AGBL4: variants seen among roughly 807,000 people sequenced by gnomAD.
AGBL4 encodes AGBL carboxypeptidase 4.
Under a neutral mutation model 66.4 loss-of-function variants are expected in AGBL4, and 58 were observed. That is an observed-to-expected ratio of 0.87 (90% CI 0.71 to 1.09). The LOEUF is 1.09. AGBL4 is among the 50% of genes least tolerant of loss of function. The probability of loss-of-function intolerance (pLI) is 0.00; values close to 1 mark genes in which losing one functional copy is unlikely to be tolerated. For missense variants in AGBL4, 579 were observed against 631.0 expected (o/e 0.92, Z 0.88); for synonymous variants, 234 against 222.9 (o/e 1.05, Z -0.44).
intron 3 of AGBL4, among the ~76,000 whole-genome samples, chr1:49,423,561 G>A (rs1317791928): frequency 6.6e-6 from 1 of 152,096 alleles, no homozygotes; most frequent in African/African-American, 2.4e-5. Flanking sequence ...TGTAATCCCA[G>A]CACTTTGGGA....
At chr1:49,274,537 T>G (rs548137789) in intron 3 of AGBL4, among the ~76,000 whole-genome samples, 1 of 152,284 alleles carries the variant, frequency 6.6e-6, no homozygotes, top group South Asian at 2.1e-4. Context: ...TGTCAATTGT[T>G]ATGATTATTC....
At chr1:49,699,357 C>A (rs916127718) in intron 2 of AGBL4, among the ~76,000 whole-genome samples, 1 of 151,904 alleles carries the variant, frequency 6.6e-6, no homozygotes, top group African/African-American at 2.4e-5. Context: ...TCCTTATACA[C>A]AATTAAGTGC....
At chr1:49,137,626 G>T (rs1438300725) in intron 4 of AGBL4, among the ~76,000 whole-genome samples, 1 of 152,056 alleles carries the variant, frequency 6.6e-6, no homozygotes, top group African/African-American at 2.4e-5. Flanking sequence ...CAGTGGAGTG[G>T]GTGGGGAGAG....
chr1:48,916,757 G>A (rs139418924), intron 5 of AGBL4, among the ~76,000 whole-genome samples: 13 of 152,276 alleles, frequency 8.5e-5, no homozygotes, highest in African/African-American at 3.1e-4. Flanking sequence ...TAGCAAAGTA[G>A]CATGAAGCCT....
chr1:49,432,963 A>T (rs894998744), intron 3 of AGBL4, among the ~76,000 whole-genome samples: 12 of 152,122 alleles, frequency 7.9e-5, no homozygotes, highest in African/African-American at 2.9e-4. Flanking sequence ...TGATAATCTA[A>T]TGGCCAATGA....
chr1:49,874,600 C>A (rs1173019122), intron 1 of AGBL4, among the ~76,000 whole-genome samples: 1 of 151,960 alleles, frequency 6.6e-6, no homozygotes, highest in East Asian at 1.9e-4. Context: ...TGACTCATAT[C>A]CCTTAAAATC....
At chr1:49,059,577 C>A (rs897695744) in intron 4 of AGBL4, among the ~76,000 whole-genome samples, 1 of 152,224 alleles carries the variant, frequency 6.6e-6, no homozygotes, top group Non-Finnish European at 1.5e-5. Context: ...GGCCACCATC[C>A]TCCAGACTCC....
At chr1:49,896,799 T>C (rs1649266443) in intron 1 of AGBL4, among the ~76,000 whole-genome samples, 1 of 152,034 alleles carries the variant, frequency 6.6e-6, no homozygotes, top group Non-Finnish European at 1.5e-5. Flanking sequence ...CAAGGATGGT[T>C]CAGCATATGC....
intron 8 of AGBL4, among the ~76,000 whole-genome samples, chr1:48,650,444 ACCTTCCTTCCTTCCTTCCTT>A (rs57012926): frequency 2.4e-4 from 36 of 147,022 alleles, no homozygotes; most frequent in Admixed American, 1.4e-4. Context: ...CTGAGAACCA[ACCTTCCTTCCTTCCTTCCTT>A]CCTTCCTTCC....
chr1:49,911,926 A>G (rs892154186), intron 1 of AGBL4, among the ~76,000 whole-genome samples: 5 of 152,164 alleles, frequency 3.3e-5, no homozygotes, highest in African/African-American at 9.7e-5. Flanking sequence ...CCAGCTCACA[A>G]CTGCTTGCAC....
At chr1:50,007,769 A>G (rs1278915891) in intron 1 of AGBL4, among the ~76,000 whole-genome samples, 2 of 152,078 alleles carry the variant, frequency 1.3e-5, no homozygotes, top group African/African-American at 4.8e-5. Context: ...CTGTCCAAAT[A>G]AAAGGGAAAA....
rs1649197532 is a variant in AGBL4, at chr1:49,511,089, G to C, written c.282+186224C>G. On this transcript the variant is annotated intron_variant, in intron 3 of 13. Coordinates refer to ENST00000371839, the MANE Select transcript of AGBL4 (RefSeq NM_032785.4). Reference sequence around the variant, plus strand: ...AGAACTAGAAATACCATTTTACCCAGCCATCCCATTACTGGGTATATACCC... The same window carrying C: ...AGAACTAGAAATACCATTTTACCCACCCATCCCATTACTGGGTATATACCC... Among the ~76,000 whole-genome samples, 2 of 151,876 alleles carry C rather than the reference G, an allele frequency of 1.3e-5. 1 individual carries two copies. Among genetic ancestry groups the C allele is most frequent in the Non-Finnish European group, 2.9e-5 (2 of 67,948 alleles).
chr1:49,197,919 T>C (rs945199479), intron 4 of AGBL4, among the ~76,000 whole-genome samples: 7 of 152,196 alleles, frequency 4.6e-5, no homozygotes, highest in Admixed American at 1.3e-4. Context: ...TGAGGCTTCC[T>C]AATGCCAGTG....
intron 3 of AGBL4, among the ~76,000 whole-genome samples, chr1:49,675,903 C>G (rs537598095): frequency 6.6e-6 from 1 of 152,162 alleles, no homozygotes; most frequent in East Asian, 1.9e-4. Flanking sequence ...AGTTCTACTG[C>G]AAATTAGTGA....
At chr1:48,871,466 A>T (rs1166371012) in intron 5 of AGBL4, among the ~76,000 whole-genome samples, 1 of 151,744 alleles carries the variant, frequency 6.6e-6, no homozygotes, top group Non-Finnish European at 1.5e-5. Flanking sequence ...ATGGAGGAGA[A>T]TGCATCCAAG....
At chr1:49,486,729 A>C (rs1647075428) in intron 3 of AGBL4, among the ~76,000 whole-genome samples, 1 of 152,066 alleles carries the variant, frequency 6.6e-6, no homozygotes, top group South Asian at 2.1e-4. Context: ...GTAAGTAATC[A>C]TTCCTCACAT....
intron 11 of AGBL4, among the ~76,000 whole-genome samples, chr1:48,582,038 A>G (rs1644748243): frequency 6.6e-6 from 1 of 152,210 alleles, no homozygotes; most frequent in African/African-American, 2.4e-5. Context: ...TGAACTCTGC[A>G]TATTTACTCA....
chr1:49,520,373 A>G (rs905919631), intron 3 of AGBL4, among the ~76,000 whole-genome samples: 2 of 152,122 alleles, frequency 1.3e-5, no homozygotes, highest in East Asian at 3.9e-4. Flanking sequence ...TACAAAAATG[A>G]CAACTACCCA....
At chr1:48,959,387 C>T (rs1313837279) in intron 5 of AGBL4, among the ~76,000 whole-genome samples, 1 of 152,224 alleles carries the variant, frequency 6.6e-6, no homozygotes, top group South Asian at 2.1e-4. Flanking sequence ...ATTAATCCAG[C>T]AATTATTTGA....
Sources: allele counts gnomAD v4.1 joint callset (sites outside exome capture counted in the v4.1 genomes callset), GRCh38; gene constraint gnomAD v4.1.1; transcripts MANE v1.5; gene names NCBI Gene and HGNC (gene_info 2026-07-23, HGNC 2026-07-21).